The following ABCC4 variants were observed in gnomAD, a reference collection of about 807,000 sequenced individuals.
ABCC4 encodes ATP binding cassette subfamily C member 4 (PEL blood group).
ABCC4 carries 102 observed loss-of-function variants against 168.5 expected under a neutral mutation model. That is an observed-to-expected ratio of 0.61 (90% confidence interval 0.52 to 0.71). The LOEUF (loss-of-function observed/expected upper bound fraction) is 0.71, where lower values mean the gene tolerates loss of function less well. Among genes scored for constraint, ABCC4 ranks in the 30% least tolerant of loss-of-function variants. The pLI, the probability that ABCC4 is intolerant of heterozygous loss-of-function variation, is 0.00. For synonymous variants in ABCC4, 617 were observed against 590.7 expected, an observed-to-expected ratio of 1.04 and a Z score of -0.65; for missense variants, 1,402 against 1,605.8, an observed-to-expected ratio of 0.87 and a Z score of 2.17.
chr13:95,249,379 T>C (rs570996233), intron 1 of ABCC4, among the ~76,000 whole-genome samples: 8 of 152,278 alleles, frequency 5.3e-5, no homozygotes, highest in Non-Finnish European at 7.4e-5. Flanking sequence ...AACATGGGGA[T>C]TGTCTAATCT....
intron 19 of ABCC4, among the ~76,000 whole-genome samples, chr13:95,118,741 G>A (rs74105432): frequency 0.019 from 2,893 of 152,236 alleles, 75 homozygotes; most frequent in African/African-American, 0.064. Flanking sequence ...GAGAGAAGAG[G>A]AGTCACTGTT....
At chr13:95,185,674 T>C (rs1594256494) in intron 11 of ABCC4, among the ~76,000 whole-genome samples, 2 of 150,886 alleles carry the variant, frequency 1.3e-5, no homozygotes, top group Non-Finnish European at 2.9e-5. Flanking sequence ...CATTATTCAC[T>C]GATTTTTATG....
intron 13 of ABCC4, among the ~76,000 whole-genome samples, chr13:95,172,806 C>T (rs945061854): frequency 2.6e-5 from 4 of 151,976 alleles, no homozygotes; most frequent in Non-Finnish European, 4.4e-5. Flanking sequence ...GTGGTGTGCA[C>T]TTGTAGTCCC....
chr13:95,281,497 C>T (rs2041125835), intron 1 of ABCC4, among the ~76,000 whole-genome samples: 1 of 151,940 alleles, frequency 6.6e-6, no homozygotes, highest in Admixed American at 6.6e-5. Flanking sequence ...CTTGGACCTC[C>T]CAGACTGCTT....
rs530675202 is a variant in ABCC4 at position 95,139,922 on chromosome 13, G to A, written c.2455+21267C>T. 2.0e-5 allele frequency among the ~76,000 whole-genome samples: 3 copies of A among 152,302 alleles called. No homozygotes were observed. The South Asian group carries it at 6.2e-4, about 32-fold the overall frequency. On this transcript the variant is annotated intron_variant, in intron 19 of 30. Coordinates refer to ENST00000645237, the MANE Select transcript of ABCC4 (RefSeq NM_005845.5). ...CCCTTGGCACGAAGCTGGCAACCAT[G>A]CAGATGGAAGGCTTCCCACTGATTC...
At chr13:95,166,057 T>C (rs1238599524) in intron 15 of ABCC4, 101 bp downstream of exon 15, 7 of 1,153,962 alleles carry the variant, frequency 6.1e-6, no homozygotes, top group African/African-American at 1.5e-5. Flanking sequence ...AGAATCCACT[T>C]TGGGACAAAA....
intron 1 of ABCC4, among the ~76,000 whole-genome samples, chr13:95,272,383 A>ACGTTGC (rs150988051): frequency 6.6e-6 from 1 of 152,122 alleles, no homozygotes; most frequent in African/African-American, 2.4e-5. Context: ...TGTTTACAAC[A>ACGTTGC]TTCTCTAAGC....
At chr13:95,152,742 G>T (rs1393374774) in intron 19 of ABCC4, among the ~76,000 whole-genome samples, 1 of 151,942 alleles carries the variant, frequency 6.6e-6, no homozygotes, top group Non-Finnish European at 1.5e-5. Flanking sequence ...AAGGGGGAAG[G>T]AATAAAATAA....
intron 21 of ABCC4, among the ~76,000 whole-genome samples, chr13:95,076,222 A>G (rs2033897408): frequency 6.6e-6 from 1 of 152,180 alleles, no homozygotes; most frequent in Admixed American, 6.5e-5. Context: ...CTGCCCAGCC[A>G]AGATGTCTCT....
chr13:95,176,713 G>T (rs2037716467), intron 13 of ABCC4, among the ~76,000 whole-genome samples: 1 of 152,156 alleles, frequency 6.6e-6, no homozygotes, highest in Admixed American at 6.5e-5. Context: ...GATGTTTCAT[G>T]CAGTAGCATC....
chr13:95,078,586 G>GTTCTGCACAGGTCTT (rs2033987661), intron 21 of ABCC4, among the ~76,000 whole-genome samples: 1 of 152,308 alleles, frequency 6.6e-6, no homozygotes, highest in Admixed American at 6.5e-5. Flanking sequence ...AAGGCTGGAT[G>GTTCTGCACAGGTCTT]TTCTGCACAG....
chr13:95,258,379 C>T (rs1034226734), intron 1 of ABCC4, among the ~76,000 whole-genome samples: 2 of 152,086 alleles, frequency 1.3e-5, no homozygotes, highest in South Asian at 2.1e-4. Context: ...CCCTTGCGTG[C>T]GAGCAAATGC....
At chr13:95,293,276 T>C (rs1038936767) in intron 1 of ABCC4, among the ~76,000 whole-genome samples, 5 of 151,754 alleles carry the variant, frequency 3.3e-5, no homozygotes, top group Admixed American at 3.3e-4. Flanking sequence ...GAGAATCGCT[T>C]GAGCCCGGGA....
chr13:95,228,532 T>A (rs1254257588), intron 4 of ABCC4, among the ~76,000 whole-genome samples: 2 of 152,058 alleles, frequency 1.3e-5, no homozygotes, highest in African/African-American at 4.8e-5. Context: ...CCCAGCACTT[T>A]GAGAGGTCAA....
At chr13:95,262,162 C>G (rs1036058236) in intron 1 of ABCC4, among the ~76,000 whole-genome samples, 9 of 152,170 alleles carry the variant, frequency 5.9e-5, no homozygotes, top group Non-Finnish European at 1.3e-4. Flanking sequence ...CCTGGGGCCC[C>G]GCACACCAGG....
At chr13:95,214,208 C>A (rs1005691366) in intron 4 of ABCC4, among the ~76,000 whole-genome samples, 82 of 152,034 alleles carry the variant, frequency 5.4e-4, no homozygotes, top group African/African-American at 1.8e-3. Flanking sequence ...GAGTCGCTAA[C>A]CCTTCCTTCT....
intron 29 of ABCC4, among the ~76,000 whole-genome samples, chr13:95,038,366 C>G (rs1249565759): frequency 1.7e-5 from 2 of 120,488 alleles, no homozygotes; most frequent in Admixed American, 1.8e-4. Context: ...TTTTAGGAAG[C>G]CCATACTCAA....
chr13:95,072,105 A>T (rs1243471705), intron 24 of ABCC4, among the ~76,000 whole-genome samples: 4 of 152,222 alleles, frequency 2.6e-5, no homozygotes, highest in Admixed American at 2.6e-4. Context: ...TCCACTTCTC[A>T]CACCTGTATT....
intron 8 of ABCC4, among the ~76,000 whole-genome samples, chr13:95,196,588 G>A (rs9524823): frequency 0.3 from 3,179 of 10,550 alleles, 233 homozygotes; most frequent in Middle Eastern, 0.5. Context: ...AAAGGAGGAA[G>A]GAAGGAAGGA....
Sources: allele counts gnomAD v4.1 joint callset (sites outside exome capture counted in the v4.1 genomes callset), GRCh38; gene constraint gnomAD v4.1.1; transcripts MANE v1.5; gene names NCBI Gene and HGNC (gene_info 2026-07-23, HGNC 2026-07-21).